PRKN: variants seen among roughly 807,000 people sequenced by gnomAD.
PRKN encodes the protein parkin RBR E3 ubiquitin protein ligase.
Under a neutral mutation model 59.5 loss-of-function variants are expected in PRKN, and 56 were observed. The observed-to-expected ratio is 0.94, with a 90% CI of 0.76 to 1.18. PRKN has a LOEUF of 1.18. Ranked by LOEUF, PRKN falls within the 50% of genes most tolerant of loss-of-function variation. The pLI, the probability that PRKN is intolerant of heterozygous loss-of-function variation, is 0.00. For synonymous variants in PRKN, 250 were observed against 222.1 expected (o/e 1.13, Z -1.12); for missense variants, 657 against 596.4 (o/e 1.10, Z -1.06).
rs1014041867 is a variant in PRKN at position 161,471,628 on chromosome 6, A to C, written c.1083+77226T>G. Reference sequence around the variant, plus strand: ...GCTCTTGAATTGGATGGTCTATCGGAAACAGAATCAGGATTCAAAAACATC... The same window carrying C: ...GCTCTTGAATTGGATGGTCTATCGGCAACAGAATCAGGATTCAAAAACATC... On this transcript the variant is annotated intron_variant, in intron 9 of 11. Coordinates refer to ENST00000366898, the MANE Select transcript of PRKN (RefSeq NM_004562.3). This position sits in a 1 kb window ranked among gnomAD's most constrained non-coding sequence, Gnocchi z 4.5. 1.3e-5 allele frequency among the ~76,000 whole-genome samples: 2 copies of C among 152,214 alleles called. No homozygotes were observed. The highest frequency in any genetic ancestry group is 2.9e-5 in the Non-Finnish European group (2 of 68,042).
chr6:161,930,404 C>T (rs535422742), intron 6 of PRKN, among the ~76,000 whole-genome samples: 2 of 152,270 alleles, frequency 1.3e-5, no homozygotes, highest in African/African-American at 2.4e-5. Flanking sequence ...GAAGATTGTT[C>T]TTCAAACATT....
At chr6:162,332,743 G>A (rs1054259002) in intron 2 of PRKN, among the ~76,000 whole-genome samples, 2 of 151,998 alleles carry the variant, frequency 1.3e-5, no homozygotes, top group Non-Finnish European at 1.5e-5. Flanking sequence ...TGAGACACTG[G>A]CAGGCAGGGC....
At chr6:162,220,499 A>G (rs574996847) in intron 3 of PRKN, among the ~76,000 whole-genome samples, 1 of 152,326 alleles carries the variant, frequency 6.6e-6, no homozygotes, top group East Asian at 1.9e-4. Context: ...AAATCAATCA[A>G]GGGTAAGAAG....
chr6:162,237,481 C>T (rs922238312), intron 3 of PRKN, among the ~76,000 whole-genome samples: 2 of 152,094 alleles, frequency 1.3e-5, no homozygotes, highest in African/African-American at 4.8e-5. Flanking sequence ...TTTGCAATGC[C>T]TCAGTGCTCC....
chr6:162,010,202 G>GAT (rs1163264205), intron 5 of PRKN, among the ~76,000 whole-genome samples: 3 of 132,772 alleles, frequency 2.3e-5, no homozygotes, highest in African/African-American at 8.7e-5. Context: ...ACAAATTTCT[G>GAT]ATATATATAT....
At chr6:161,736,340 C>T (rs1172230601) in intron 7 of PRKN, among the ~76,000 whole-genome samples, 1 of 152,200 alleles carries the variant, frequency 6.6e-6, no homozygotes, top group Non-Finnish European at 1.5e-5. Flanking sequence ...CTTTAATTGT[C>T]TGTAAAATGT....
chr6:162,220,506 G>A (rs540422794), intron 3 of PRKN, among the ~76,000 whole-genome samples: 1 of 152,268 alleles, frequency 6.6e-6, no homozygotes, highest in Admixed American at 6.5e-5. Flanking sequence ...TCAAGGGTAA[G>A]AAGTGAAGAT....
At position 162,579,802 on chromosome 6, in the gene PRKN, C is replaced by G. The variant is rs1007019072; in HGVS notation, c.8-136329G>C. 2.6e-5 allele frequency among the ~76,000 whole-genome samples: 4 copies of G among 152,120 alleles called. No individual in the cohort carries two copies. In the East Asian group the frequency reaches 7.7e-4, roughly 29 times the overall value. ...ACACAGATTTATACACACGTTCACA[C>G]ACACAATTATTGGGCTTATATTGTA... On this transcript the variant is annotated intron_variant, in intron 1 of 11. Transcript: ENST00000366898.
At chr6:162,323,083 A>C (rs1431192040) in intron 2 of PRKN, among the ~76,000 whole-genome samples, 1 of 61,844 alleles carries the variant, frequency 1.6e-5, no homozygotes, top group Non-Finnish European at 2.9e-5. Context: ...GGGTGGGGGG[A>C]GGGGGGAGGG....
chr6:162,670,776 C>A (rs990835767), intron 1 of PRKN, among the ~76,000 whole-genome samples: 2 of 152,132 alleles, frequency 1.3e-5, no homozygotes, highest in African/African-American at 4.8e-5. Context: ...ACCATATTTA[C>A]AATTTTTTCC....
At chr6:162,002,577 A>G (rs1187826808) in intron 5 of PRKN, among the ~76,000 whole-genome samples, 1 of 57,966 alleles carries the variant, frequency 1.7e-5, no homozygotes, top group African/African-American at 1.6e-4. Context: ...CTTTTCAAAT[A>G]ACCATTTTTT....
chr6:161,715,882 T>A (rs1027208809), intron 7 of PRKN, among the ~76,000 whole-genome samples: 2 of 152,184 alleles, frequency 1.3e-5, no homozygotes, highest in South Asian at 2.1e-4. Flanking sequence ...GCAGTAGCTC[T>A]CAGGGACTCC....
chr6:161,847,569 A>G (rs2128221793), intron 6 of PRKN, among the ~76,000 whole-genome samples: 1 of 147,586 alleles, frequency 6.8e-6, no homozygotes, highest in Admixed American at 6.8e-5. Context: ...TTTTACCTGT[A>G]CTTTTTTAGA....
At chr6:162,593,939 A>C (rs1781400006) in intron 1 of PRKN, among the ~76,000 whole-genome samples, 1 of 152,206 alleles carries the variant, frequency 6.6e-6, no homozygotes, top group Admixed American at 6.5e-5. Context: ...ACTTGAGGTC[A>C]GGAGTTCGAG....
intron 4 of PRKN, among the ~76,000 whole-genome samples, chr6:162,188,780 T>TG (rs1438186779): frequency 3.5e-5 from 5 of 143,268 alleles, no homozygotes; most frequent in East Asian, 3.9e-4. Flanking sequence ...TAGATTTCGT[T>TG]TTTTTTTTTT....
chr6:161,657,096 G>C (rs924322380), intron 7 of PRKN, among the ~76,000 whole-genome samples: 4 of 152,098 alleles, frequency 2.6e-5, no homozygotes, highest in African/African-American at 9.7e-5. Context: ...GTCCAAAATT[G>C]AGTGCACAAC....
chr6:161,685,172 T>C (rs879263972), intron 7 of PRKN, among the ~76,000 whole-genome samples: 1 of 152,242 alleles, frequency 6.6e-6, no homozygotes, highest in Non-Finnish European at 1.5e-5. Flanking sequence ...TTGCCAGTAC[T>C]CTTGCTCGGC....
At chr6:162,182,089 AGT>A in intron 4 of PRKN, among the ~76,000 whole-genome samples, 1 of 152,130 alleles carries the variant, frequency 6.6e-6, no homozygotes, top group South Asian at 2.1e-4. Flanking sequence ...CTGCATGCAA[AGT>A]GTGTTCTTTT....
In PRKN at chr6:161,363,581, G is replaced by T. The variant is rs1320050292; in HGVS notation, c.1168-3376C>A. On this transcript the variant is annotated intron_variant, in intron 10 of 11. Transcript: ENST00000366898. The surrounding 1 kb of genome is among the most constrained non-coding windows in gnomAD (Gnocchi z 4.1). ...GTGAGAAGGTCCAGTGTTTTTCTAAGTAGAGTTCTGGAAGGAGATAACAAA... is the reference window on the plus strand; with the variant it reads ...GTGAGAAGGTCCAGTGTTTTTCTAATTAGAGTTCTGGAAGGAGATAACAAA... Among the ~76,000 whole-genome samples, 1 of 152,156 alleles carries T rather than the reference G, an allele frequency of 6.6e-6. No homozygotes were observed. Among genetic ancestry groups the T allele is most frequent in the Middle Eastern group, 3.2e-3 (1 of 316 alleles).
Sources: gnomAD v4.1 joint callset for allele counts (sites outside exome capture counted in the v4.1 genomes callset) on GRCh38, gnomAD v4.1.1 for gene constraint, Gnocchi (gnomAD v3.1) non-coding constraint, MANE v1.5 for transcripts, NCBI Gene and HGNC (gene_info 2026-07-23, HGNC 2026-07-21) for gene names.